Variants in GABBR2 observed in about 807,000 individuals in gnomAD.
The protein encoded by GABBR2 is gamma-aminobutyric acid type B receptor subunit 2, also known as G-protein coupled receptor 51.
In GABBR2, 23 loss-of-function variants were observed where a neutral mutation model predicts 105.6. That is an observed-to-expected ratio of 0.22 (90% CI 0.16 to 0.31). GABBR2 has a LOEUF of 0.31. Among genes scored for constraint, GABBR2 ranks in the 10% least tolerant of loss-of-function variants. The pLI, the probability that GABBR2 is intolerant of heterozygous loss-of-function variation, is 1.00. For missense variants in GABBR2, 734 were observed against 1,245.5 expected (o/e 0.59, Z 6.18); for synonymous variants, 478 against 499.7 (o/e 0.96, Z 0.58).
chr9:98,648,107 G>A (rs1399457073), intron 1 of GABBR2, among the ~76,000 whole-genome samples: 50 of 71,902 alleles, frequency 7.0e-4, no homozygotes, highest in African/African-American at 2.5e-3. Flanking sequence ...GTGTGTGTGT[G>A]TGTGTGTGTA....
rs114164638 is a variant in GABBR2 at position 98,406,862 on chromosome 9, C to T, written c.1237-721G>A. 1.9e-3 allele frequency among the ~76,000 whole-genome samples: 283 copies of T among 152,290 alleles called. 2 individuals are homozygous for T. The highest frequency in any genetic ancestry group is 6.6e-3 in the African/African-American group (275 of 41,568). ...GGAATTTAGAGATGGAATGTCATCT[C>T]TTCTTTCCGATTTATGGCCCACCTA... On this transcript the variant is annotated intron_variant, in intron 7 of 18. Coordinates refer to ENST00000259455, the MANE Select transcript of GABBR2 (RefSeq NM_005458.8).
At chr9:98,598,888 T>C (rs1238169616) in intron 1 of GABBR2, among the ~76,000 whole-genome samples, 1 of 149,536 alleles carries the variant, frequency 6.7e-6, no homozygotes, top group Non-Finnish European at 1.5e-5. Context: ...GTACACCACA[T>C]GTCCTCTATA....
intron 12 of GABBR2, among the ~76,000 whole-genome samples, chr9:98,365,942 T>C (rs1278653557): frequency 6.6e-6 from 1 of 152,232 alleles, no homozygotes; most frequent in Admixed American, 6.5e-5. Context: ...AACTTCTCTC[T>C]GGGTTACGTC....
At chr9:98,476,066 AAAAC>A (rs751139617) in intron 5 of GABBR2, among the ~76,000 whole-genome samples, 4 of 152,292 alleles carry the variant, frequency 2.6e-5, no homozygotes, top group South Asian at 4.1e-4. Flanking sequence ...TCTGTCTCAA[AAAAC>A]AAACAAACAA....
At chr9:98,371,780 A>C (rs1831787207) in intron 11 of GABBR2, among the ~76,000 whole-genome samples, 1 of 152,242 alleles carries the variant, frequency 6.6e-6, no homozygotes, top group African/African-American at 2.4e-5. Context: ...GTCACTAGGC[A>C]CACAGGAGTG....
At chr9:98,300,255 ACT>A (rs774840318) in intron 16 of GABBR2, among the ~76,000 whole-genome samples, 83 of 150,728 alleles carry the variant, frequency 5.5e-4, no homozygotes, top group Admixed American at 9.9e-4. Context: ...TATCATGGAG[ACT>A]CTGACCTGCA....
At chr9:98,562,925 C>T (rs1247113231) in intron 2 of GABBR2, among the ~76,000 whole-genome samples, 1 of 151,616 alleles carries the variant, frequency 6.6e-6, no homozygotes, top group African/African-American at 2.4e-5. Flanking sequence ...CAAAAATTAG[C>T]CGGGTATGGT....
chr9:98,613,447 G>GA (rs5899347), intron 1 of GABBR2, among the ~76,000 whole-genome samples: 132,994 of 144,188 alleles, frequency 0.92, 61,347 homozygotes, highest in African/African-American at 0.96. Flanking sequence ...CTCAGGGGAA[G>GA]AAAAAAAAAA....
chr9:98,302,167 A>G (rs1048404185), intron 16 of GABBR2, among the ~76,000 whole-genome samples: 2 of 152,214 alleles, frequency 1.3e-5, no homozygotes, highest in African/African-American at 4.8e-5. Context: ...GTCCAGCTAG[A>G]GACGACGTTT....
At chr9:98,607,074 A>T in intron 1 of GABBR2, 1 of 1,489,526 alleles carries the variant, frequency 6.7e-7, no homozygotes. Flanking sequence ...ATCAGTTAAG[A>T]GATCTGGTTT....
intron 1 of GABBR2, among the ~76,000 whole-genome samples, chr9:98,649,190 CA>C (rs1830071290): frequency 6.6e-6 from 1 of 152,166 alleles, no homozygotes; most frequent in African/African-American, 2.4e-5. Context: ...TTTAACTCAC[CA>C]GTCAGGAAGA....
intron 9 of GABBR2, among the ~76,000 whole-genome samples, chr9:98,393,516 C>T (rs1832233300): frequency 6.6e-6 from 1 of 152,236 alleles, no homozygotes. Flanking sequence ...TCCATCCATC[C>T]ACTTGATCAA....
chr9:98,389,247 T>C (rs1832135958), intron 9 of GABBR2, among the ~76,000 whole-genome samples: 1 of 152,220 alleles, frequency 6.6e-6, no homozygotes, highest in Non-Finnish European at 1.5e-5. Flanking sequence ...TTAATAGCCA[T>C]TAGAAGACTA....
At chr9:98,528,879 G>A (rs1315406811) in intron 3 of GABBR2, among the ~76,000 whole-genome samples, 2 of 152,092 alleles carry the variant, frequency 1.3e-5, no homozygotes, top group Admixed American at 6.5e-5. Context: ...TGTACAAAAG[G>A]TTCAAAAATG....
rs190591962 is a variant in GABBR2 at position 98,666,836 on chromosome 9, C to T, written c.321+41581G>A. On this transcript the variant is annotated intron_variant, in intron 1 of 18. Transcript: ENST00000259455. ...CAGAGACCACCTGGTTACTTCAGGCCCCTTGTGCCAAGAACCCAGCAGACC... is the reference window on the plus strand; with the variant it reads ...CAGAGACCACCTGGTTACTTCAGGCTCCTTGTGCCAAGAACCCAGCAGACC... 1.4e-4 allele frequency among the ~76,000 whole-genome samples: 21 copies of T among 152,276 alleles called. No homozygotes were observed. In the East Asian group the frequency reaches 3.9e-3, roughly 28 times the overall value.
chr9:98,454,552 G>C lies in GABBR2; in HGVS notation c.1000-335C>G, dbSNP rs1215265640. On this transcript the variant is annotated intron_variant, in intron 6 of 18. Transcript: ENST00000259455. The surrounding 1 kb of genome is among the most constrained non-coding windows in gnomAD (Gnocchi z 4.6). Reference sequence around the variant, plus strand: ...AGGCCTTTGCCTCTAAACTTGCAGGGCCTGGGGTGAGGTAGAGGCCCATAT... The same window carrying C: ...AGGCCTTTGCCTCTAAACTTGCAGGCCCTGGGGTGAGGTAGAGGCCCATAT... 1.3e-5 allele frequency among the ~76,000 whole-genome samples: 2 copies of C among 152,178 alleles called. No homozygotes were observed. The highest frequency in any genetic ancestry group is 2.9e-5 in the Non-Finnish European group (2 of 68,032).
chr9:98,526,077 T>C (rs1827950642), intron 3 of GABBR2, among the ~76,000 whole-genome samples: 1 of 152,218 alleles, frequency 6.6e-6, no homozygotes, highest in South Asian at 2.1e-4. Flanking sequence ...ATAGTGGTAA[T>C]TGTTGCACAT....
chr9:98,607,053 G>C, intron 1 of GABBR2: 1 of 1,394,350 alleles, frequency 7.2e-7, no homozygotes, highest in Non-Finnish European at 1.0e-6. Flanking sequence ...CCCAAACCAA[G>C]TATACAGAAA....
intron 3 of GABBR2, among the ~76,000 whole-genome samples, chr9:98,539,407 A>G (rs1242993398): frequency 6.6e-6 from 1 of 152,236 alleles, no homozygotes; most frequent in Non-Finnish European, 1.5e-5. Context: ...GAAGAAAAGA[A>G]GGAGAAATGG....
Sources: allele counts gnomAD v4.1 joint callset (sites outside exome capture counted in the v4.1 genomes callset), GRCh38; gene constraint gnomAD v4.1.1; non-coding constraint Gnocchi (gnomAD v3.1); transcripts MANE v1.5; gene names NCBI Gene and HGNC (gene_info 2026-07-23, HGNC 2026-07-21).